The following ADAM10 variants were observed in gnomAD, a reference collection of about 807,000 sequenced individuals.
ADAM10 encodes the protein ADAM metallopeptidase domain 10, also known as disintegrin and metalloproteinase domain-containing protein 10.
Under a neutral mutation model 90.1 loss-of-function variants are expected in ADAM10, and 17 were observed. The ratio of observed to expected loss-of-function variants is 0.19; its 90% confidence interval spans 0.13 to 0.28. The LOEUF (loss-of-function observed/expected upper bound fraction) is 0.28, where lower values mean the gene tolerates loss of function less well. Among genes scored for constraint, ADAM10 ranks in the 10% least tolerant of loss-of-function variants. The probability of loss-of-function intolerance (pLI) is 1.00; values close to 1 mark genes in which losing one functional copy is unlikely to be tolerated. For synonymous variants in ADAM10, 310 were observed against 298.6 expected (o/e 1.04, Z -0.40); for missense variants, 610 against 914.3 (o/e 0.67, Z 4.29).
intron 10 of ADAM10, among the ~76,000 whole-genome samples, chr15:58,621,859 G>C (rs146484192): frequency 6.6e-6 from 1 of 152,308 alleles, no homozygotes; most frequent in East Asian, 1.9e-4. Flanking sequence ...GGATTTGACA[G>C]AGGGTCCCTT....
At chr15:58,630,342 C>T (rs1289138977) in intron 9 of ADAM10, among the ~76,000 whole-genome samples, 2 of 152,120 alleles carry the variant, frequency 1.3e-5, no homozygotes, top group South Asian at 2.1e-4. Flanking sequence ...GACTTCCTAG[C>T]GGAGGAAAGT....
At chr15:58,660,340 T>C (rs773274332) in intron 5 of ADAM10, among the ~76,000 whole-genome samples, 2 of 152,068 alleles carry the variant, frequency 1.3e-5, no homozygotes, top group African/African-American at 2.4e-5. Context: ...CCTACAAGAG[T>C]GAACCATCTC....
At chr15:58,618,736 G>A (rs1364143639) in intron 11 of ADAM10, among the ~76,000 whole-genome samples, 1 of 152,008 alleles carries the variant, frequency 6.6e-6, no homozygotes, top group Non-Finnish European at 1.5e-5. Flanking sequence ...CATATAAATT[G>A]CTAACAAGTA....
intron 2 of ADAM10, among the ~76,000 whole-genome samples, chr15:58,696,611 A>G (rs1456540717): frequency 2.6e-5 from 4 of 152,020 alleles, no homozygotes; most frequent in African/African-American, 9.7e-5. Context: ...GATTACAGGC[A>G]TCTGCCATCA....
At chr15:58,701,748 C>T (rs1053696297) in intron 2 of ADAM10, among the ~76,000 whole-genome samples, 4 of 152,002 alleles carry the variant, frequency 2.6e-5, no homozygotes, top group Admixed American at 6.6e-5. Flanking sequence ...TGTGAATCAA[C>T]GGATAAATGT....
intron 1 of ADAM10, among the ~76,000 whole-genome samples, chr15:58,734,431 G>A (rs185954553): frequency 3.9e-4 from 59 of 152,246 alleles, no homozygotes; most frequent in African/African-American, 1.3e-3. Context: ...GTTAATCTAC[G>A]ATGAGTCGAA....
At chr15:58,735,076 T>C (rs1899385536) in intron 1 of ADAM10, among the ~76,000 whole-genome samples, 1 of 152,214 alleles carries the variant, frequency 6.6e-6, no homozygotes, top group African/African-American at 2.4e-5. Context: ...AGATAGAGCA[T>C]GTGGTATCAT....
intron 11 of ADAM10, among the ~76,000 whole-genome samples, chr15:58,616,880 G>T (rs372649042): frequency 6.6e-6 from 1 of 152,010 alleles, no homozygotes; most frequent in Non-Finnish European, 1.5e-5. Flanking sequence ...AGGCCGAGGC[G>T]GACAGATCAC....
At chr15:58,732,704 A>T (rs1396853028) in intron 1 of ADAM10, 2 of 141,506 alleles carry the variant, frequency 1.4e-5, no homozygotes, top group African/African-American at 5.4e-5. Flanking sequence ...GCAAGACTCC[A>T]TCTCAAAAAA....
rs1436835209 is a variant in ADAM10, at chr15:58,599,690, G to C, written c.2060C>G (p.Ala687Gly). 1.9e-6 allele frequency: 3 copies of C among 1,612,560 alleles called. No homozygotes were observed. Among genetic ancestry groups the C allele is most frequent in the Non-Finnish European group, 2.5e-6 (3 of 1,179,612 alleles). Residue 687 changes from alanine to glycine, a missense_variant, in exon 15 of 16, where the codon GCT (alanine) becomes GGT (glycine). Ala to Gly is a moderately conservative substitution (Grantham distance 60). Transcript: ENST00000260408. ...AAATCCAGCCATTAGCATGATCAGA[G>C]CAATTCCCATAAGTAATACTGCCCA... The part of the protein sequence containing the change: ...HWWAVLLMGI[A>G]LIMLMAGFIK...
intron 1 of ADAM10, among the ~76,000 whole-genome samples, chr15:58,723,350 G>GA (rs1898920626): frequency 1.3e-5 from 2 of 151,532 alleles, no homozygotes; most frequent in Admixed American, 6.6e-5. Context: ...TTGGAAGGCG[G>GA]AAAAAAAATA....
chr15:58,682,271 C>T lies in ADAM10; in HGVS notation c.250G>A (p.Asp84Asn). 1 of 1,613,030 alleles carries T rather than the reference C, an allele frequency of 6.2e-7. No homozygotes were observed. Among genetic ancestry groups the T allele is most frequent in the South Asian group, 1.1e-5 (1 of 90,968 alleles). ...TTTGATGTTTCTACTTTAAATTCAT[C>T]ACTGAAAAGGGAAGTGTCCCTCTTC... ...RMKRDTSLFS[D>N]EFKVETSNKV... The change falls in exon 3 of 16, where the codon GAT (aspartate) becomes AAT (asparagine). Residue 84 changes from aspartate to asparagine, a missense_variant. By Grantham distance (23) the Asp-to-Asn change is conservative. Coordinates refer to ENST00000260408, the MANE Select transcript of ADAM10 (RefSeq NM_001110.4).
chr15:58,627,614 G>T lies in ADAM10; in HGVS notation c.1360+86C>A, dbSNP rs1183796357. On this transcript the variant is annotated intron_variant, in intron 10 of 15. Coordinates refer to ENST00000260408, the MANE Select transcript of ADAM10 (RefSeq NM_001110.4). ...AGCAATAGTAAAATGCAGGTGGTGG[G>T]TATGTCAGTAATCACTATAGAATTC... 5 of 1,162,292 alleles carry T rather than the reference G, an allele frequency of 4.3e-6. No individual in the cohort carries two copies. The African/African-American group carries it at 6.1e-5, about 14-fold the overall frequency. 72.0% of individuals were successfully genotyped at this position (1,162,292 alleles called of 1,614,324 possible).
At chr15:58,649,255 A>G (rs1445570542) in intron 5 of ADAM10, among the ~76,000 whole-genome samples, 1 of 152,184 alleles carries the variant, frequency 6.6e-6, no homozygotes, top group Non-Finnish European at 1.5e-5. Flanking sequence ...AATATAAATT[A>G]TAACATTTAC....
At chr15:58,667,521 G>A (rs1223579843) in intron 4 of ADAM10, among the ~76,000 whole-genome samples, 1 of 152,058 alleles carries the variant, frequency 6.6e-6, no homozygotes, top group African/African-American at 2.4e-5. Flanking sequence ...GTCAAAACTG[G>A]ATGGTAATCC....
intron 7 of ADAM10, 149 bp from the exon 8 acceptor site, chr15:58,641,109 C>A: frequency 1.3e-6 from 1 of 741,178 alleles, no homozygotes; most frequent in Non-Finnish European, 2.3e-6. Flanking sequence ...TTCCCACTGC[C>A]CACATCCCTG....
chr15:58,662,566 G>A (rs890896060), intron 5 of ADAM10, among the ~76,000 whole-genome samples: 5 of 152,084 alleles, frequency 3.3e-5, no homozygotes, highest in African/African-American at 9.7e-5. Context: ...GGCTGGTCTC[G>A]CACTCCTGGC....
intron 5 of ADAM10, among the ~76,000 whole-genome samples, chr15:58,647,362 G>A (rs1190461305): frequency 2.8e-5 from 4 of 142,446 alleles, no homozygotes; most frequent in East Asian, 2.1e-4. Context: ...CCGGGTTCAC[G>A]CCATTCTCCT....
chr15:58,652,142 AT>A (rs1896704539), intron 5 of ADAM10, among the ~76,000 whole-genome samples: 1 of 152,130 alleles, frequency 6.6e-6, no homozygotes, highest in Non-Finnish European at 1.5e-5. Context: ...TATTCTGGTT[AT>A]TAATCCCTTG....
Sources: allele counts gnomAD v4.1 joint callset (sites outside exome capture counted in the v4.1 genomes callset), GRCh38; gene constraint gnomAD v4.1.1; transcripts MANE v1.5; gene names NCBI Gene and HGNC (gene_info 2026-07-23, HGNC 2026-07-21).